ABCA8: variants seen among roughly 807,000 people sequenced by gnomAD.
ABCA8 encodes ABC-type organic anion transporter ABCA8.
In ABCA8, 177 loss-of-function variants were observed where a neutral mutation model predicts 192.3. That is an observed-to-expected ratio of 0.92 (90% confidence interval 0.81 to 1.04). ABCA8 has a LOEUF of 1.04. Ranked by LOEUF, ABCA8 falls within the 50% of genes least tolerant of loss-of-function variation. The probability of loss-of-function intolerance (pLI) is 0.00; values close to 1 mark genes in which losing one functional copy is unlikely to be tolerated. For missense variants in ABCA8, 1,915 were observed against 1,904.8 expected (o/e 1.01, Z -0.10); for synonymous variants, 642 against 690.2 (o/e 0.93, Z 1.09).
At chr17:68,875,156 A>G (rs542972165) in intron 37 of ABCA8, 104 bp downstream of exon 37, 1 of 1,482,746 alleles carries the variant, frequency 6.7e-7, no homozygotes, top group Non-Finnish European at 9.1e-7. Context: ...TCCAACAAAT[A>G]ATCTCTTTCT....
intron 37 of ABCA8, among the ~76,000 whole-genome samples, chr17:68,870,321 T>C (rs1297241659): frequency 3.9e-5 from 6 of 152,210 alleles, no homozygotes; most frequent in African/African-American, 1.4e-4. Context: ...CTTAGTTCTC[T>C]TTTTGGAATC....
intron 24 of ABCA8, among the ~76,000 whole-genome samples, chr17:68,889,433 AT>A (rs2066572919): frequency 6.6e-6 from 1 of 152,224 alleles, no homozygotes; most frequent in African/African-American, 2.4e-5. Flanking sequence ...GTGTCTGTAA[AT>A]AAACATTTGT....
intron 10 of ABCA8, among the ~76,000 whole-genome samples, chr17:68,925,718 T>C (rs2067680291): frequency 6.6e-6 from 1 of 152,176 alleles, no homozygotes; most frequent in African/African-American, 2.4e-5. Flanking sequence ...AGCACCTATC[T>C]CTCCCTTTTG....
chr17:68,885,601 G>A (rs2066437744), intron 26 of ABCA8, among the ~76,000 whole-genome samples: 1 of 151,614 alleles, frequency 6.6e-6, no homozygotes, highest in Non-Finnish European at 1.5e-5. Flanking sequence ...AGGTAGAAGT[G>A]CAGTAGCGTG....
At chr17:68,936,823 G>T in intron 5 of ABCA8, 128 bp downstream of exon 5, 2 of 732,160 alleles carry the variant, frequency 2.7e-6, no homozygotes, top group South Asian at 4.0e-5. Context: ...TTTAAATGTT[G>T]AGGGACATGC....
intron 2 of ABCA8, chr17:68,944,841 G>C (rs2068351694): frequency 6.6e-6 from 1 of 152,240 alleles, no homozygotes; most frequent in Non-Finnish European, 1.5e-5. Flanking sequence ...ACAAAGCAGA[G>C]ACAGGCTCTC....
Position 68,924,870 on chromosome 17 carries a change from C to T in ABCA8, c.1274-1G>A. 6.2e-6 allele frequency: 10 copies of T among 1,613,368 alleles called. No homozygotes were observed. The highest frequency in any genetic ancestry group is 7.6e-6 in the Non-Finnish European group (9 of 1,179,712). On this transcript the variant is annotated splice_acceptor_variant, in intron 10 of 39. Transcript: ENST00000586539. LOFTEE classifies it high-confidence loss of function. ...GGTGGACGTCGATGTCCATATTCATCTACATGGCCAGAAGACAATTAAATA... is the reference window on the plus strand; with the variant it reads ...GGTGGACGTCGATGTCCATATTCATTTACATGGCCAGAAGACAATTAAATA...
chr17:68,943,715 G>C (rs1366812935), intron 2 of ABCA8, among the ~76,000 whole-genome samples: 1 of 152,148 alleles, frequency 6.6e-6, no homozygotes, highest in Non-Finnish European at 1.5e-5. Flanking sequence ...AGAAAGACAT[G>C]GCTACTATAA....
chr17:68,896,053 C>G (rs1598216003), intron 21 of ABCA8, among the ~76,000 whole-genome samples: 1 of 152,226 alleles, frequency 6.6e-6, no homozygotes, highest in East Asian at 1.9e-4. Context: ...AGCTCTGAAG[C>G]AATGGTGAGA....
At chr17:68,943,369 G>A (rs765587514) in intron 2 of ABCA8, among the ~76,000 whole-genome samples, 1 of 152,094 alleles carries the variant, frequency 6.6e-6, no homozygotes, top group Non-Finnish European at 1.5e-5. Flanking sequence ...TATGTGTATA[G>A]ATATACTTTT....
rs199606173 is a variant in ABCA8 at position 68,882,559 on chromosome 17, G to A, written c.3828+40C>T. The A allele has an allele frequency of 2.6e-6, 4 of 1,567,566 alleles. No individual in the cohort carries two copies. In the African/African-American group the frequency reaches 4.1e-5, roughly 16 times the overall value. On this transcript the variant is annotated intron_variant, in intron 30 of 39. Coordinates refer to ENST00000586539, the MANE Select transcript of ABCA8 (RefSeq NM_001288985.2). ...TCAAAATCATTAGAGAATTAGACTG[G>A]TAGACTGACTAATAAAAAAACCTTT...
chr17:68,908,886 T>TG (rs1416530502), intron 17 of ABCA8, among the ~76,000 whole-genome samples: 1 of 152,206 alleles, frequency 6.6e-6, no homozygotes, highest in Non-Finnish European at 1.5e-5. Flanking sequence ...ATTCGAACAA[T>TG]GGAATAATAG....
intron 26 of ABCA8, among the ~76,000 whole-genome samples, chr17:68,886,119 T>C (rs779474008): frequency 6.6e-6 from 1 of 152,216 alleles, no homozygotes; most frequent in Non-Finnish European, 1.5e-5. Context: ...TACACTGTAA[T>C]GACTACTTAA....
At position 68,924,887 on chromosome 17, in the gene ABCA8, A is replaced by C; in HGVS notation, c.1274-18T>G. 1 of 1,611,544 alleles carries C rather than the reference A, an allele frequency of 6.2e-7. No individual in the cohort carries two copies. The highest frequency in any genetic ancestry group is 8.5e-7 in the Non-Finnish European group (1 of 1,179,044). ...ATATTCATCTACATGGCCAGAAGAC[A>C]ATTAAATATTGGGTCAATGACCACG... On this transcript the variant is annotated intron_variant, in intron 10 of 39. Transcript: ENST00000586539.
At chr17:68,932,665 C>A in intron 6 of ABCA8, 151 bp from the exon 7 acceptor site, 1 of 609,774 alleles carries the variant, frequency 1.6e-6, no homozygotes, top group Non-Finnish European at 2.9e-6. Context: ...CATTGACCTG[C>A]TGGGACCTCG....
chr17:68,919,212 C>T (rs908882287), intron 14 of ABCA8, 89 bp downstream of exon 14: 27 of 1,208,336 alleles, frequency 2.2e-5, no homozygotes, highest in East Asian at 7.1e-5. Flanking sequence ...CAATGATTTG[C>T]GCACAAATAA....
At chr17:68,925,671 T>G (rs1328426238) in intron 10 of ABCA8, among the ~76,000 whole-genome samples, 1 of 152,206 alleles carries the variant, frequency 6.6e-6, no homozygotes, top group East Asian at 1.9e-4. Context: ...AATAAATGTC[T>G]TACACTCTCT....
chr17:68,942,529 G>A (rs969082810), intron 2 of ABCA8, among the ~76,000 whole-genome samples: 8 of 152,124 alleles, frequency 5.3e-5, no homozygotes, highest in Non-Finnish European at 7.4e-5. Flanking sequence ...TTCACTGTGT[G>A]TTTCCTCTAG....
intron 16 of ABCA8, 47 bp downstream of exon 16, chr17:68,918,000 A>G (rs2067420975): frequency 6.2e-7 from 1 of 1,600,402 alleles, no homozygotes; most frequent in East Asian, 2.2e-5. Context: ...ATATTTTTAG[A>G]TCTCTTAAAG....
Sources: allele counts gnomAD v4.1 joint callset (sites outside exome capture counted in the v4.1 genomes callset), GRCh38; gene constraint gnomAD v4.1.1; transcripts MANE v1.5; gene names NCBI Gene and HGNC (gene_info 2026-07-23, HGNC 2026-07-21).